SCML4: variants seen among roughly 807,000 people sequenced by gnomAD.
SCML4 encodes the protein sex comb on midleg-like protein 4.
Under a neutral mutation model 41.1 loss-of-function variants are expected in SCML4, and 34 were observed. That is an observed-to-expected ratio of 0.83 (90% CI 0.63 to 1.10). SCML4 has a LOEUF of 1.10. Among genes scored for constraint, SCML4 ranks in the 50% least tolerant of loss-of-function variants. The pLI, the probability that SCML4 is intolerant of heterozygous loss-of-function variation, is 0.00. For synonymous variants in SCML4, 214 were observed against 220.9 expected (o/e 0.97, Z 0.28); for missense variants, 522 against 534.1 (o/e 0.98, Z 0.22).
intron 5 of SCML4, among the ~76,000 whole-genome samples, chr6:107,739,603 C>T (rs1293003709): frequency 6.6e-6 from 1 of 152,118 alleles, no homozygotes; most frequent in Non-Finnish European, 1.5e-5. Flanking sequence ...ACCTTACAAT[C>T]CTGTTCGGGA....
the SCML4 span, among the ~76,000 whole-genome samples, chr6:107,832,994 A>T: frequency 6.6e-6 from 1 of 152,210 alleles, no homozygotes; most frequent in African/African-American, 2.4e-5. Flanking sequence ...GCCAGGACCA[A>T]AAAGATTATG....
chr6:107,754,364 C>T (rs1303306825), intron 2 of SCML4, among the ~76,000 whole-genome samples: 1 of 152,218 alleles, frequency 6.6e-6, no homozygotes, highest in Non-Finnish European at 1.5e-5. Context: ...GACTCAGTGA[C>T]TCTGACTTTG....
intron 1 of SCML4, among the ~76,000 whole-genome samples, chr6:107,809,771 T>C (rs1784021968): frequency 6.6e-6 from 1 of 152,100 alleles, no homozygotes; most frequent in Non-Finnish European, 1.5e-5. Context: ...ATTAAAACAG[T>C]TGAAATTCAA....
intron 2 of SCML4, among the ~76,000 whole-genome samples, chr6:107,757,062 T>A (rs1779172587): frequency 1.3e-5 from 2 of 152,202 alleles, no homozygotes; most frequent in African/African-American, 4.8e-5. Flanking sequence ...AGAATACTGC[T>A]GGGACAAAGC....
chr6:107,843,985 G>A, the SCML4 span, among the ~76,000 whole-genome samples: 3 of 152,092 alleles, frequency 2.0e-5, no homozygotes. Context: ...ATGGGGAAAT[G>A]TTTTTAAAGT....
intron 1 of SCML4, among the ~76,000 whole-genome samples, chr6:107,782,006 T>C (rs1234836563): frequency 6.6e-6 from 1 of 152,194 alleles, no homozygotes; most frequent in Non-Finnish European, 1.5e-5. Context: ...TATTTTCAAA[T>C]GCTAGAACCT....
At chr6:107,786,875 G>A (rs1423575556) in intron 1 of SCML4, among the ~76,000 whole-genome samples, 1 of 152,218 alleles carries the variant, frequency 6.6e-6, no homozygotes, top group African/African-American at 2.4e-5. Context: ...AGCATCCCAT[G>A]CTGCCAAGAT....
chr6:107,751,638 CT>C (rs1261728599), intron 2 of SCML4, among the ~76,000 whole-genome samples: 9 of 128,520 alleles, frequency 7.0e-5, no homozygotes, highest in African/African-American at 2.4e-4. Context: ...TTCTTTCTTT[CT>C]TTCTTTCTTT....
At chr6:107,708,603 G>A (rs1773917160) in intron 6 of SCML4, among the ~76,000 whole-genome samples, 1 of 152,180 alleles carries the variant, frequency 6.6e-6, no homozygotes, top group South Asian at 2.1e-4. Context: ...CATGCAGAAA[G>A]AAGATGTCCC....
intron 1 of SCML4, among the ~76,000 whole-genome samples, chr6:107,778,067 T>A (rs1399582606): frequency 2.7e-5 from 4 of 150,450 alleles, no homozygotes; most frequent in Non-Finnish European, 5.9e-5. Context: ...AATACAAAAA[T>A]TAGCCAGGCA....
intron 2 of SCML4, among the ~76,000 whole-genome samples, chr6:107,751,867 C>G (rs965895791): frequency 2.6e-5 from 4 of 152,050 alleles, no homozygotes; most frequent in South Asian, 2.1e-4. Context: ...AACTCTTGAC[C>G]TCATGATCTG....
At chr6:107,780,631 C>T (rs1202825161) in intron 1 of SCML4, among the ~76,000 whole-genome samples, 2 of 151,670 alleles carry the variant, frequency 1.3e-5, no homozygotes, top group Non-Finnish European at 2.9e-5. Flanking sequence ...TGCCTGAGCC[C>T]GGGAAGTTGA....
chr6:107,746,683 C>T lies in SCML4; in HGVS notation c.487+6G>A, dbSNP rs1393541677. 1 of 1,613,078 alleles carries T rather than the reference C, an allele frequency of 6.2e-7. No homozygotes were observed. Among genetic ancestry groups the T allele is most frequent in the South Asian group, 1.1e-5 (1 of 90,878 alleles). ...GCCTCCTCATGCAACCTGCCCCAGG[C>T]CTTACCTGACACCATCTCACCACCA... On this transcript the variant is annotated splice_donor_region_variant and intron_variant, in intron 4 of 7. Coordinates refer to ENST00000369020, the MANE Select transcript of SCML4 (RefSeq NM_198081.5).
intron 6 of SCML4, among the ~76,000 whole-genome samples, chr6:107,709,648 A>C (rs1774045272): frequency 6.6e-6 from 1 of 152,248 alleles, no homozygotes; most frequent in South Asian, 2.1e-4. Flanking sequence ...CTTCGTGAAC[A>C]GAAATGTTCT....
At chr6:107,844,658 G>C in the SCML4 span, among the ~76,000 whole-genome samples, 1 of 152,004 alleles carries the variant, frequency 6.6e-6, no homozygotes, top group South Asian at 2.1e-4. Flanking sequence ...TATAGTCCCA[G>C]TGGGGAAGGG....
At chr6:107,742,439 G>A (rs1451209399) in intron 5 of SCML4, among the ~76,000 whole-genome samples, 1 of 152,080 alleles carries the variant, frequency 6.6e-6, no homozygotes, top group Non-Finnish European at 1.5e-5. Flanking sequence ...TATAGGAAGG[G>A]CAGAGAACAC....
intron 1 of SCML4, among the ~76,000 whole-genome samples, chr6:107,810,518 C>A (rs1475091722): frequency 6.6e-6 from 1 of 152,164 alleles, no homozygotes; most frequent in Non-Finnish European, 1.5e-5. Context: ...GACATCAGAT[C>A]ATCTCCTCTG....
Position 107,707,950 on chromosome 6 carries a change from G to A in SCML4, c.1035C>T (p.Ala345=). The change falls in exon 7 of 8, where the codon GCC becomes GCT. Residue 345 remains alanine (A), a synonymous_variant. Coordinates refer to ENST00000369020, the MANE Select transcript of SCML4 (RefSeq NM_198081.5). ...ARRPRSRNPS[A]WTVEDVVWFV... ...ACCACACCACGTCCTCCACAGTCCA[G>A]GCGGAGGGGTTCCTGCTCCGTGGCC... 2.6e-6 allele frequency: 4 copies of A among 1,551,648 alleles called. No individual in the cohort carries two copies. The highest frequency in any genetic ancestry group is 2.6e-6 in the Non-Finnish European group (3 of 1,146,986).
chr6:107,711,530 T>C (rs914133680), intron 6 of SCML4, among the ~76,000 whole-genome samples: 3 of 152,244 alleles, frequency 2.0e-5, no homozygotes, highest in Admixed American at 6.5e-5. Context: ...GTACAACCTA[T>C]GATTTTCACA....
Sources: allele counts gnomAD v4.1 joint callset (sites outside exome capture counted in the v4.1 genomes callset), GRCh38; gene constraint gnomAD v4.1.1; transcripts MANE v1.5; gene names NCBI Gene and HGNC (gene_info 2026-07-23, HGNC 2026-07-21).